AGXT2: variants seen among roughly 807,000 people sequenced by gnomAD.
AGXT2 encodes the protein alanine--glyoxylate aminotransferase 2, mitochondrial.
Under a neutral mutation model 62.5 loss-of-function variants are expected in AGXT2, and 61 were observed. The observed-to-expected ratio is 0.98, with a 90% CI of 0.79 to 1.21. The LOEUF (loss-of-function observed/expected upper bound fraction) is 1.21. Ranked by LOEUF, AGXT2 falls within the 50% of genes most tolerant of loss-of-function variation. AGXT2 has a pLI of 0.00. For synonymous variants in AGXT2, 243 were observed against 218.7 expected (o/e 1.11, Z -0.98); for missense variants, 666 against 641.5 (o/e 1.04, Z -0.41).
intron 5 of AGXT2, 31 bp downstream of exon 5, chr5:35,035,191 C>A: frequency 6.3e-7 from 1 of 1,576,716 alleles, no homozygotes; most frequent in Non-Finnish European, 8.7e-7. Context: ...AGTCAGTGTT[C>A]CTAAAGTTGA....
chr5:35,046,593 T>C (rs1003743588), intron 1 of AGXT2, among the ~76,000 whole-genome samples: 101 of 152,334 alleles, frequency 6.6e-4, no homozygotes, highest in African/African-American at 2.1e-3. Context: ...ATAATAGTAC[T>C]CACTAACAAG....
At chr5:35,038,146 A>C (rs989091562) in intron 3 of AGXT2, among the ~76,000 whole-genome samples, 7 of 152,224 alleles carry the variant, frequency 4.6e-5, no homozygotes, top group African/African-American at 1.7e-4. Context: ...AGTGTTTCCC[A>C]AACTTATTTT....
chr5:35,023,763 G>C (rs2112236467), intron 9 of AGXT2, among the ~76,000 whole-genome samples: 1 of 152,294 alleles, frequency 6.6e-6, no homozygotes, highest in East Asian at 1.9e-4. Flanking sequence ...TGGTACACCA[G>C]GGACATCCAA....
intron 9 of AGXT2, among the ~76,000 whole-genome samples, chr5:35,023,974 A>G (rs940941051): frequency 4.6e-5 from 7 of 151,824 alleles, no homozygotes; most frequent in African/African-American, 1.7e-4. Context: ...GCTCATTGCA[A>G]CCTCCACCTC....
chr5:35,031,440 C>A (rs897490404), intron 7 of AGXT2, among the ~76,000 whole-genome samples: 7 of 152,044 alleles, frequency 4.6e-5, no homozygotes, highest in Non-Finnish European at 8.8e-5. Flanking sequence ...TTTAAGACTT[C>A]TGTTTTGTAT....
chr5:35,001,767 A>G (rs961583681), intron 13 of AGXT2, among the ~76,000 whole-genome samples: 4 of 151,958 alleles, frequency 2.6e-5, no homozygotes, highest in African/African-American at 9.7e-5. Flanking sequence ...TGTTTATCTC[A>G]TTATTTAAGA....
intron 9 of AGXT2, among the ~76,000 whole-genome samples, chr5:35,021,236 T>C (rs1270788301): frequency 1.3e-5 from 2 of 152,170 alleles, no homozygotes; most frequent in South Asian, 2.1e-4. Flanking sequence ...AAAGTTCATA[T>C]GGAACCAAAG....
chr5:34,999,496 A>G (rs1037325725), intron 13 of AGXT2, among the ~76,000 whole-genome samples: 1 of 151,970 alleles, frequency 6.6e-6, no homozygotes, highest in African/African-American at 2.4e-5. Flanking sequence ...CGCTAATGAA[A>G]TATTTTATTG....
chr5:35,040,697 G>T (rs1431334398), intron 1 of AGXT2, 34 bp from the exon 2 acceptor site: 1 of 1,520,074 alleles, frequency 6.6e-7, no homozygotes, highest in Admixed American at 1.7e-5. Flanking sequence ...CCTCAACTAA[G>T]CATGACATAG....
chr5:35,013,042 A>G lies in AGXT2; in HGVS notation c.1100T>C (p.Ile367Thr), dbSNP rs1449021251. Residue 367 changes from isoleucine (I) to threonine (T), a missense_variant, in exon 11 of 14, where the codon ATT (isoleucine) becomes ACT (threonine). Coordinates refer to ENST00000231420, the MANE Select transcript of AGXT2 (RefSeq NM_031900.4). ...CAGGCATTTCGCCAAAGATTTGGCA[A>G]TCTCTAGAGGGAGAAAATAGAAGGT... ...PMAAVITTPE[I>T]AKSLAKCLQH... 8 of 1,551,644 alleles carry G rather than the reference A, an allele frequency of 5.2e-6. No homozygotes were observed. Among genetic ancestry groups the G allele is most frequent in the East Asian group, 2.4e-5 (1 of 40,920 alleles).
intron 1 of AGXT2, among the ~76,000 whole-genome samples, chr5:35,041,379 A>G (rs550214082): frequency 6.7e-4 from 102 of 152,174 alleles, no homozygotes; most frequent in African/African-American, 2.3e-3. Flanking sequence ...AAACCAGCGT[A>G]AAGTGGTAAA....
intron 1 of AGXT2, among the ~76,000 whole-genome samples, chr5:35,045,997 G>C (rs567773641): frequency 1.3e-5 from 2 of 152,178 alleles, no homozygotes; most frequent in Non-Finnish European, 2.9e-5. Context: ...TCGATCTCCT[G>C]ACCTCGTGAT....
chr5:35,040,683 G>A lies in AGXT2; in HGVS notation c.89-20C>T, dbSNP rs1255689248. ...TACCTACTGAAAGTGAAGTGAGTTA[G>A]AATCCTCAACTAAGCATGACATAGG... On this transcript the variant is annotated intron_variant, in intron 1 of 13. Transcript: ENST00000231420. 1 of 1,588,866 alleles carries A rather than the reference G, an allele frequency of 6.3e-7. No individual in the cohort carries two copies. The highest frequency in any genetic ancestry group is 8.6e-7 in the Non-Finnish European group (1 of 1,157,206).
chr5:35,037,802 C>A (rs568944542), intron 3 of AGXT2, among the ~76,000 whole-genome samples: 1 of 152,268 alleles, frequency 6.6e-6, no homozygotes, highest in Admixed American at 6.5e-5. Context: ...AACTATAAAG[C>A]CACATTCTTT....
intron 12 of AGXT2, among the ~76,000 whole-genome samples, chr5:35,009,725 A>G (rs1766557631): frequency 6.6e-6 from 1 of 152,044 alleles, no homozygotes; most frequent in South Asian, 2.1e-4. Context: ...TGTATTTCTA[A>G]GTATTCGGTC....
At chr5:35,018,354 A>G (rs1227667561) in intron 9 of AGXT2, among the ~76,000 whole-genome samples, 1 of 152,248 alleles carries the variant, frequency 6.6e-6, no homozygotes, top group Non-Finnish European at 1.5e-5. Context: ...AGGGAAGCCC[A>G]TCAGACTAAC....
chr5:35,004,800 C>G (rs946877141), intron 12 of AGXT2, among the ~76,000 whole-genome samples: 3 of 152,148 alleles, frequency 2.0e-5, no homozygotes, highest in African/African-American at 7.2e-5. Context: ...ACACTTCCTA[C>G]CCACCCTCAG....
At chr5:35,010,475 C>A (rs1256639428) in intron 11 of AGXT2, among the ~76,000 whole-genome samples, 1 of 151,750 alleles carries the variant, frequency 6.6e-6, no homozygotes, top group Admixed American at 6.6e-5. Context: ...GTCAGGAGTT[C>A]GGGACCAGCC....
At chr5:35,031,331 T>A in intron 7 of AGXT2, among the ~76,000 whole-genome samples, 1 of 152,232 alleles carries the variant, frequency 6.6e-6, no homozygotes, top group Non-Finnish European at 1.5e-5. Flanking sequence ...CATCTTGTCT[T>A]CTTTCACTAC....
Sources: allele counts gnomAD v4.1 joint callset (sites outside exome capture counted in the v4.1 genomes callset), GRCh38; gene constraint gnomAD v4.1.1; transcripts MANE v1.5; gene names NCBI Gene and HGNC (gene_info 2026-07-23, HGNC 2026-07-21).